ADAM10: variants seen among roughly 807,000 people sequenced by gnomAD.
ADAM10 encodes disintegrin and metalloproteinase domain-containing protein 10.
ADAM10 carries 17 observed loss-of-function variants against 90.1 expected under a neutral mutation model. The ratio of observed to expected loss-of-function variants is 0.19; its 90% confidence interval spans 0.13 to 0.28. ADAM10 has a LOEUF of 0.28. Ranked by LOEUF, ADAM10 falls within the 10% of genes least tolerant of loss-of-function variation. The pLI is 1.00. For synonymous variants in ADAM10, 310 were observed against 298.6 expected (o/e 1.04, Z -0.40); for missense variants, 610 against 914.3 (o/e 0.67, Z 4.29).
chr15:58,636,821 A>T (rs557735717), intron 8 of ADAM10, among the ~76,000 whole-genome samples: 3 of 152,330 alleles, frequency 2.0e-5, no homozygotes, highest in Non-Finnish European at 4.4e-5. Context: ...GCCAAAAATT[A>T]ATAGTAGCAT....
intron 15 of ADAM10, among the ~76,000 whole-genome samples, chr15:58,598,988 T>C (rs1895034381): frequency 3.9e-5 from 6 of 151,962 alleles, no homozygotes; most frequent in Admixed American, 2.0e-4. Context: ...TGGGGGAAAA[T>C]AAGCTTATGT....
At chr15:58,700,201 C>G (rs1175987667) in intron 2 of ADAM10, among the ~76,000 whole-genome samples, 1 of 152,136 alleles carries the variant, frequency 6.6e-6, no homozygotes, top group Non-Finnish European at 1.5e-5. Flanking sequence ...ATAAAATTAA[C>G]AAAGAATCAT....
At chr15:58,608,883 T>A (rs113392429) in intron 14 of ADAM10, among the ~76,000 whole-genome samples, 1 of 152,124 alleles carries the variant, frequency 6.6e-6, no homozygotes, top group African/African-American at 2.4e-5. Flanking sequence ...CCCAAAAATC[T>A]AAAATATCTA....
At chr15:58,598,502 G>C (rs2140985681) in intron 15 of ADAM10, among the ~76,000 whole-genome samples, 1 of 152,338 alleles carries the variant, frequency 6.6e-6, no homozygotes, top group East Asian at 1.9e-4. Flanking sequence ...GTAAATGCAG[G>C]TGAACAACTG....
At chr15:58,604,840 T>A (rs1395729559) in intron 14 of ADAM10, among the ~76,000 whole-genome samples, 1 of 152,170 alleles carries the variant, frequency 6.6e-6, no homozygotes, top group African/African-American at 2.4e-5. Flanking sequence ...CTTGCCCTCC[T>A]GGGCTGTGGT....
At chr15:58,747,087 A>T (rs1899815881) in intron 1 of ADAM10, among the ~76,000 whole-genome samples, 1 of 152,224 alleles carries the variant, frequency 6.6e-6, no homozygotes, top group Non-Finnish European at 1.5e-5. Flanking sequence ...TGATTTCATC[A>T]AACCAAAACA....
chr15:58,692,966 T>G (rs554396048), intron 2 of ADAM10: 1 of 740,188 alleles, frequency 1.4e-6, no homozygotes, highest in African/African-American at 1.7e-5. Context: ...TCCCGAGGGT[T>G]GGGGATGATG....
At chr15:58,723,989 G>C (rs1898947275) in intron 1 of ADAM10, among the ~76,000 whole-genome samples, 1 of 152,048 alleles carries the variant, frequency 6.6e-6, no homozygotes, top group Non-Finnish European at 1.5e-5. Flanking sequence ...CCAGCACTAT[G>C]GGAGGCCGAG....
intron 2 of ADAM10, among the ~76,000 whole-genome samples, chr15:58,683,164 C>G (rs1336847596): frequency 1.3e-5 from 2 of 152,084 alleles, no homozygotes; most frequent in Non-Finnish European, 2.9e-5. Flanking sequence ...AAAATGGCAA[C>G]AAATTAGCTA....
At chr15:58,610,839 T>TA in intron 13 of ADAM10, 160 bp downstream of exon 13, 1 of 681,108 alleles carries the variant, frequency 1.5e-6, no homozygotes, top group Non-Finnish European at 2.6e-6. Context: ...ACCATAATAA[T>TA]AGAGACACAA....
chr15:58,660,048 A>G (rs1896931342), intron 5 of ADAM10, among the ~76,000 whole-genome samples: 1 of 152,150 alleles, frequency 6.6e-6, no homozygotes, highest in South Asian at 2.1e-4. Context: ...TATTTTCTTA[A>G]GGACTTTAAG....
chr15:58,631,985 G>A (rs1896115855), intron 9 of ADAM10, among the ~76,000 whole-genome samples: 1 of 152,152 alleles, frequency 6.6e-6, no homozygotes, highest in Non-Finnish European at 1.5e-5. Flanking sequence ...AATTAGAGAA[G>A]TGCATTTGGG....
rs1363761871 is a variant in ADAM10 at position 58,714,503 on chromosome 15, AT to A, written c.206+3073del. Among the ~76,000 whole-genome samples, 5 of 152,276 alleles carry A rather than the reference AT, an allele frequency of 3.3e-5. No individual in the cohort carries two copies. In the East Asian group the frequency reaches 7.7e-4, roughly 23 times the overall value. Reference sequence around the variant, plus strand: ...AAAGCCTATTATGTGAATAAAAAAAATAAACTCTACTTGATATTTTTTAAAG... The same window carrying A: ...AAAGCCTATTATGTGAATAAAAAAAAAAACTCTACTTGATATTTTTTAAAG... On this transcript the variant is annotated intron_variant, in intron 2 of 15. Transcript: ENST00000260408.
At chr15:58,614,002 A>C (rs1359300253) in intron 11 of ADAM10, among the ~76,000 whole-genome samples, 1 of 152,192 alleles carries the variant, frequency 6.6e-6, no homozygotes, top group Non-Finnish European at 1.5e-5. Context: ...GAGATTTAAA[A>C]AGGCACAGAA....
intron 2 of ADAM10, among the ~76,000 whole-genome samples, chr15:58,685,106 A>T (rs1897552141): frequency 6.6e-6 from 1 of 151,962 alleles, no homozygotes; most frequent in African/African-American, 2.4e-5. Context: ...AGCTGAAAAA[A>T]ATATATAAAA....
At chr15:58,647,366 T>C (rs929251158) in intron 5 of ADAM10, among the ~76,000 whole-genome samples, 2 of 146,396 alleles carry the variant, frequency 1.4e-5, no homozygotes, top group Admixed American at 1.4e-4. Flanking sequence ...GTTCACGCCA[T>C]TCTCCTGCCT....
chr15:58,612,655 C>A lies in ADAM10; in HGVS notation c.1512-664G>T, dbSNP rs562519521. 2.0e-5 allele frequency among the ~76,000 whole-genome samples: 3 copies of A among 152,280 alleles called. No individual in the cohort carries two copies. The East Asian group carries it at 5.8e-4, about 29-fold the overall frequency. ...ACCACCTCCATCCCCGGTGACCCAA[C>A]TCGTCACTGAGTCCTATTGGCTCAG... is the stretch of plus-strand genomic sequence containing the variant. On this transcript the variant is annotated intron_variant, in intron 11 of 15. Coordinates refer to ENST00000260408, the MANE Select transcript of ADAM10 (RefSeq NM_001110.4).
intron 1 of ADAM10, among the ~76,000 whole-genome samples, chr15:58,747,049 TATC>T (rs1480998548): frequency 6.6e-6 from 1 of 152,190 alleles, no homozygotes; most frequent in Non-Finnish European, 1.5e-5. Flanking sequence ...GTAAGAGACA[TATC>T]ATACTCTGAA....
At chr15:58,642,855 C>T (rs898120668) in intron 7 of ADAM10, among the ~76,000 whole-genome samples, 1 of 152,118 alleles carries the variant, frequency 6.6e-6, no homozygotes, top group Non-Finnish European at 1.5e-5. Context: ...AATTCTTATA[C>T]TGTAAATCAA....
Sources: gnomAD v4.1 joint callset for allele counts (sites outside exome capture counted in the v4.1 genomes callset) on GRCh38, gnomAD v4.1.1 for gene constraint, MANE v1.5 for transcripts, NCBI Gene and HGNC (gene_info 2026-07-23, HGNC 2026-07-21) for gene names.